IL12RB1: variants seen among roughly 807,000 people sequenced by gnomAD.
The protein encoded by IL12RB1 is interleukin 12 receptor subunit beta 1.
In IL12RB1, 64 loss-of-function variants were observed where a neutral mutation model predicts 94.4. The ratio of observed to expected loss-of-function variants is 0.68; its 90% CI spans 0.55 to 0.83. The LOEUF is 0.83. IL12RB1 is among the 40% of genes least tolerant of loss of function. The pLI is 0.00. For missense variants in IL12RB1, 814 were observed against 855.6 expected (o/e 0.95, Z 0.61); for synonymous variants, 362 against 355.5 (o/e 1.02, Z -0.21).
At chr19:18,084,615 A>G (rs1339769975) in intron 1 of IL12RB1, among the ~76,000 whole-genome samples, 3 of 151,006 alleles carry the variant, frequency 2.0e-5, no homozygotes, top group Non-Finnish European at 2.9e-5. Context: ...TCATCCATAC[A>G]CCCACCCATC....
intron 3 of IL12RB1, among the ~76,000 whole-genome samples, chr19:18,081,510 C>A (rs1358905520): frequency 6.6e-6 from 1 of 151,894 alleles, no homozygotes; most frequent in Non-Finnish European, 1.5e-5. Flanking sequence ...GCAAGGACTG[C>A]ACCACACAGC....
Position 18,066,351 on chromosome 19 carries a change from C to T in IL12RB1, c.1483+191G>A, listed in dbSNP as rs370155553. ...TGAACTCCTGACCTCAGGTGATCCG[C>T]CCGCCTTGGCCTCCCAAAGTGCTGG... On this transcript the variant is annotated intron_variant, in intron 12 of 16. Transcript: ENST00000593993. 3.2e-4 allele frequency among the ~76,000 whole-genome samples: 49 copies of T among 152,236 alleles called. No homozygotes were observed. The East Asian group carries it at 8.2e-3, about 25-fold the overall frequency.
At chr19:18,093,808 A>C (rs2036755068) in intron 1 of IL12RB1, among the ~76,000 whole-genome samples, 1 of 152,132 alleles carries the variant, frequency 6.6e-6, no homozygotes, top group South Asian at 2.1e-4. Context: ...TGGGGTGTGC[A>C]AGCTACAGCC....
At chr19:18,074,195 A>G (rs1327983914) in intron 7 of IL12RB1, among the ~76,000 whole-genome samples, 2 of 152,004 alleles carry the variant, frequency 1.3e-5, no homozygotes, top group African/African-American at 4.8e-5. Context: ...TTTATAGACT[A>G]GAGACAGAGT....
Position 18,076,277 on chromosome 19 carries a change from AT to A in IL12RB1, c.580+19del. Reference sequence around the variant, plus strand: ...CCAATTTGCTGCAGCTGTTGTTGTCATTACTATTATTATTCTCACCAGTATC... The same window carrying A: ...CCAATTTGCTGCAGCTGTTGTTGTCATACTATTATTATTCTCACCAGTATC... On this transcript the variant is annotated intron_variant, in intron 6 of 16. Transcript: ENST00000593993. 8.0e-7 allele frequency: 1 copy of A among 1,256,616 alleles called. No homozygotes were observed. Among genetic ancestry groups the A allele is most frequent in the Non-Finnish European group, 1.2e-6 (1 of 853,288 alleles). 77.8% of individuals were successfully genotyped at this position (1,256,616 alleles called of 1,614,324 possible).
intron 11 of IL12RB1, among the ~76,000 whole-genome samples, chr19:18,068,017 CTTTTTTTTTTTTTT>C (rs1216685125): frequency 1.7e-5 from 1 of 59,826 alleles, no homozygotes; most frequent in South Asian, 8.2e-4. Flanking sequence ...CAGCATTGTC[CTTTTTTTTTTTTTT>C]TTTTTTTTTT....
intron 13 of IL12RB1, among the ~76,000 whole-genome samples, chr19:18,062,966 A>G (rs1298828565): frequency 6.8e-6 from 1 of 146,832 alleles, no homozygotes; most frequent in Non-Finnish European, 1.5e-5. Flanking sequence ...TCTTATAACC[A>G]TGCACCCGAC....
Position 18,075,693 on chromosome 19 carries a change from G to A in IL12RB1, c.700+56C>T, listed in dbSNP as rs1254125343. On this transcript the variant is annotated intron_variant, in intron 7 of 16. Coordinates refer to ENST00000593993, the MANE Select transcript of IL12RB1 (RefSeq NM_005535.3). Reference sequence around the variant, plus strand: ...ACTACAGGTGTGCACCACCACCTCCGGCTGTTGCCTTATTTCTAATGCTTG... The same window carrying A: ...ACTACAGGTGTGCACCACCACCTCCAGCTGTTGCCTTATTTCTAATGCTTG... 14 of 1,521,588 alleles carry A rather than the reference G, an allele frequency of 9.2e-6. 1 individual carries two copies. The highest frequency in any genetic ancestry group is 6.8e-5 in the African/African-American group (5 of 73,056). 94.3% of individuals were successfully genotyped at this position (1,521,588 alleles called of 1,614,324 possible).
At position 18,059,571 on chromosome 19, in the gene IL12RB1, C is replaced by T. The variant is rs752117474; in HGVS notation, c.*37G>A. ...GTGACTCCTGTGTGTGCTACGTAGC[C>T]TCGGGCGAGTCACTCACCCTCTCTG... On this transcript the variant is annotated 3_prime_UTR_variant, in exon 17 of 17. Coordinates refer to ENST00000593993, the MANE Select transcript of IL12RB1 (RefSeq NM_005535.3). The T allele has an allele frequency of 3.8e-6, 3 of 779,474 alleles. No individual in the cohort carries two copies. The highest frequency in any genetic ancestry group is 7.2e-6 in the Non-Finnish European group (3 of 417,428). The allele number at this position is 779,474 out of a possible 1,614,324, so 48.3% of individuals were successfully genotyped here.
intron 14 of IL12RB1, among the ~76,000 whole-genome samples, chr19:18,061,735 C>A (rs193257288): frequency 1.1e-4 from 17 of 152,198 alleles, no homozygotes; most frequent in Middle Eastern, 3.4e-3. Context: ...TGATGGCACG[C>A]ACCTGTAGTC....
rs373710358 is a variant in IL12RB1 at position 18,059,591 on chromosome 19, T to A, written c.*17A>T. 1.2e-5 allele frequency: 9 copies of A among 780,324 alleles called. No individual in the cohort carries two copies. The highest frequency in any genetic ancestry group is 1.9e-5 in the Non-Finnish European group (8 of 417,820). The allele number at this position is 780,324 out of a possible 1,614,324, so 48.3% of individuals were successfully genotyped here. A position where few individuals can be genotyped will look rare whatever the true frequency, so the allele number is the denominator to read the frequency against. ...GTAGCCTCGGGCGAGTCACTCACCC[T>A]CTCTGAGCCTCAACGATCACATCTG... On this transcript the variant is annotated 3_prime_UTR_variant, in exon 17 of 17. Coordinates refer to ENST00000593993, the MANE Select transcript of IL12RB1 (RefSeq NM_005535.3).
At chr19:18,079,008 C>G (rs2035681243) in intron 4 of IL12RB1, among the ~76,000 whole-genome samples, 1 of 152,070 alleles carries the variant, frequency 6.6e-6, no homozygotes, top group African/African-American at 2.4e-5. Flanking sequence ...CAAGACCACC[C>G]TGGCCAACAC....
chr19:18,072,312 A>T lies in IL12RB1; in HGVS notation c.821T>A (p.Leu274Gln), dbSNP rs759558044. Reference sequence around the variant, plus strand: ...GTAAGTGACCTCCGTGCCAGGCGCCAGCCCTTGACAGCCTTCTGGAAGCTC... The same window carrying T: ...GTAAGTGACCTCCGTGCCAGGCGCCTGCCCTTGACAGCCTTCTGGAAGCTC... Reference protein sequence around the residue: ...QLELPEGCQGLAPGTEVTYRL... With the variant: ...QLELPEGCQGQAPGTEVTYRL... Residue 274 changes from leucine (L) to glutamine (Q), a missense_variant, in exon 9 of 17, where the codon CTG (leucine) becomes CAG (glutamine). Coordinates refer to ENST00000593993, the MANE Select transcript of IL12RB1 (RefSeq NM_005535.3). The T allele has an allele frequency of 6.2e-7, 1 of 1,613,910 alleles. No homozygotes were observed. Among genetic ancestry groups the T allele is most frequent in the African/African-American group, 1.3e-5 (1 of 74,942 alleles).
At chr19:18,081,351 C>T (rs2035884856) in intron 3 of IL12RB1, among the ~76,000 whole-genome samples, 1 of 151,694 alleles carries the variant, frequency 6.6e-6, no homozygotes, top group African/African-American at 2.4e-5. Flanking sequence ...CCACCTCAGC[C>T]TCCCAAAGTG....
chr19:18,066,299 G>C (rs1374996956), intron 12 of IL12RB1, among the ~76,000 whole-genome samples: 1 of 152,022 alleles, frequency 6.6e-6, no homozygotes, highest in Non-Finnish European at 1.5e-5. Flanking sequence ...GAGAGACGGG[G>C]TTTCTCCAAG....
rs1169213578 is a variant in IL12RB1 at position 18,086,870 on chromosome 19, C to A, written c.-47G>T. 3 of 1,590,442 alleles carry A rather than the reference C, an allele frequency of 1.9e-6. No homozygotes were observed. In the South Asian group the frequency reaches 3.4e-5, roughly 18 times the overall value. On this transcript the variant is annotated 5_prime_UTR_variant, in exon 1 of 17. In the 5' UTR this introduces an upstream ATG that the reference lacks. Coordinates refer to ENST00000593993, the MANE Select transcript of IL12RB1 (RefSeq NM_005535.3). ...AGCCCCAGGGGAGCCTCTCTGCCAC[C>A]TGCGAGGTTCAGCCACCCCGTCCCC... is the stretch of plus-strand genomic sequence containing the variant.
intron 13 of IL12RB1, among the ~76,000 whole-genome samples, chr19:18,062,881 C>T (rs1416353695): frequency 2.0e-5 from 3 of 151,846 alleles, no homozygotes; most frequent in East Asian, 3.9e-4. Context: ...CTCTTTTGTT[C>T]TCTGGGTTCC....
upstream of IL12RB1, among the ~76,000 whole-genome samples, chr19:18,090,413 C>T (rs766625762): frequency 1.4e-4 from 21 of 152,170 alleles, no homozygotes; most frequent in Non-Finnish European, 2.8e-4. Flanking sequence ...TCCTGACCAT[C>T]CTGAGACCCT....
chr19:18,062,736 C>G (rs2034236928), intron 13 of IL12RB1, among the ~76,000 whole-genome samples: 1 of 146,074 alleles, frequency 6.8e-6, no homozygotes, highest in African/African-American at 2.4e-5. Flanking sequence ...CGCATCATTG[C>G]ATTCCAGCCT....
Sources: gnomAD v4.1 joint callset for allele counts (sites outside exome capture counted in the v4.1 genomes callset) on GRCh38, gnomAD v4.1.1 for gene constraint, MANE v1.5 for transcripts, NCBI Gene and HGNC (gene_info 2026-07-23, HGNC 2026-07-21) for gene names.